Variants in TMEM74 observed in about 807,000 individuals in gnomAD.
TMEM74 encodes transmembrane protein 74.
A neutral mutation model predicts 18.1 loss-of-function variants in TMEM74; 13 were observed. The ratio of observed to expected loss-of-function variants is 0.72; its 90% confidence interval spans 0.47 to 1.14. The LOEUF is 1.14. TMEM74 is among the 50% of genes most tolerant of loss of function. The pLI is 0.00. For synonymous variants in TMEM74, 159 were observed against 146.6 expected (o/e 1.08, Z -0.61); for missense variants, 372 against 375.9 (o/e 0.99, Z 0.09).
chr8:108,614,407 G>A (rs563553925), intron 2 of TMEM74, among the ~76,000 whole-genome samples: 2 of 152,118 alleles, frequency 1.3e-5, no homozygotes, highest in African/African-American at 4.8e-5. Context: ...TTTTCTCAAG[G>A]AAATGTTCTA....
chr8:108,727,644 T>G (rs958491459), intron 1 of TMEM74, among the ~76,000 whole-genome samples: 3 of 152,196 alleles, frequency 2.0e-5, no homozygotes, highest in Non-Finnish European at 2.9e-5. Context: ...CAGTTTGATA[T>G]GAGCCAGAAG....
intron 2 of TMEM74, among the ~76,000 whole-genome samples, chr8:108,612,082 C>G (rs1812339613): frequency 6.6e-6 from 1 of 152,088 alleles, no homozygotes; most frequent in Non-Finnish European, 1.5e-5. Flanking sequence ...AGGTAACCAC[C>G]CCCATGATTC....
At chr8:108,646,598 C>T (rs1487576685) in intron 2 of TMEM74, among the ~76,000 whole-genome samples, 5 of 152,006 alleles carry the variant, frequency 3.3e-5, no homozygotes, top group Admixed American at 3.3e-4. Context: ...TCTCAAAAAG[C>T]CTAGAATTTG....
At chr8:108,660,852 G>C (rs1329083137) in intron 1 of TMEM74, among the ~76,000 whole-genome samples, 1 of 151,976 alleles carries the variant, frequency 6.6e-6, no homozygotes. Context: ...TATATTTGTA[G>C]CTCCAGTTTG....
intron 1 of TMEM74, among the ~76,000 whole-genome samples, chr8:108,766,018 G>C (rs191470462): frequency 6.6e-6 from 1 of 152,154 alleles, no homozygotes; most frequent in Admixed American, 6.5e-5. Flanking sequence ...AGTAGCATTA[G>C]CATAATCTAA....
intron 1 of TMEM74, among the ~76,000 whole-genome samples, chr8:108,656,273 TG>T (rs1812820611): frequency 1.3e-5 from 2 of 152,180 alleles, no homozygotes; most frequent in African/African-American, 4.8e-5. Context: ...GTTGTAAACT[TG>T]CTTTTCTTCC....
chr8:108,705,344 T>A (rs1813386669), intron 1 of TMEM74, among the ~76,000 whole-genome samples: 1 of 152,208 alleles, frequency 6.6e-6, no homozygotes. Context: ...TGTTTTAGTG[T>A]GTTGTAGTGG....
intron 1 of TMEM74, among the ~76,000 whole-genome samples, chr8:108,700,977 A>C (rs1813329800): frequency 6.6e-6 from 1 of 152,214 alleles, no homozygotes; most frequent in South Asian, 2.1e-4. Flanking sequence ...TGAGGAATCT[A>C]GTAATCACTC....
At chr8:108,642,391 CAA>C (rs34602005) in intron 2 of TMEM74, among the ~76,000 whole-genome samples, 11 of 63,456 alleles carry the variant, frequency 1.7e-4, no homozygotes, top group Non-Finnish European at 2.2e-4. Flanking sequence ...GACTCCATCT[CAA>C]AAAAAAAAAA....
chr8:108,679,135 T>A lies in TMEM74; in HGVS notation n.120-23698A>T, dbSNP rs909580868. ...GTGTATATGTGCCACATTTTCTTAATCCAGTCTATTGTTGTTGGACATTTG... is the reference window on the plus strand; with the variant it reads ...GTGTATATGTGCCACATTTTCTTAAACCAGTCTATTGTTGTTGGACATTTG... On this transcript the variant is annotated intron_variant and non_coding_transcript_variant, in intron 1 of 3. Transcript: ENST00000518838. Among the ~76,000 whole-genome samples the A allele has an allele frequency of 3.3e-5, 5 of 152,266 alleles. No homozygotes were observed. The South Asian group carries it at 6.2e-4, about 19-fold the overall frequency.
chr8:108,647,493 G>C (rs890686260), intron 2 of TMEM74, among the ~76,000 whole-genome samples: 5 of 151,892 alleles, frequency 3.3e-5, no homozygotes, highest in Admixed American at 6.6e-5. Context: ...TTCTTGTTTA[G>C]CTGATCAATG....
intron 1 of TMEM74, among the ~76,000 whole-genome samples, chr8:108,711,944 T>C (rs1002952878): frequency 6.6e-6 from 1 of 152,058 alleles, no homozygotes; most frequent in Non-Finnish European, 1.5e-5. Context: ...TCTATAGATA[T>C]AGATATAGAG....
At chr8:108,771,745 C>CT (rs1247939179) in intron 1 of TMEM74, among the ~76,000 whole-genome samples, 4 of 151,990 alleles carry the variant, frequency 2.6e-5, no homozygotes, top group African/African-American at 7.2e-5. Flanking sequence ...TTGGTATTTC[C>CT]TTTTTTTAGC....
intron 1 of TMEM74, among the ~76,000 whole-genome samples, chr8:108,690,165 C>A (rs1347495144): frequency 2.0e-5 from 3 of 151,948 alleles, no homozygotes; most frequent in Non-Finnish European, 4.4e-5. Context: ...TTTTAAAAGT[C>A]AGAGCCAGGT....
intron 3 of TMEM74, among the ~76,000 whole-genome samples, chr8:108,608,588 TG>T (rs1169894961): frequency 6.6e-6 from 1 of 152,216 alleles, no homozygotes; most frequent in Non-Finnish European, 1.5e-5. Context: ...AAACTAATAC[TG>T]GTTTAACCAC....
intron 1 of TMEM74, among the ~76,000 whole-genome samples, chr8:108,686,481 C>T (rs1200581077): frequency 1.3e-5 from 2 of 152,072 alleles, no homozygotes; most frequent in Admixed American, 6.5e-5. Flanking sequence ...AGATTACAGG[C>T]GTGACCCACC....
intron 2 of TMEM74, among the ~76,000 whole-genome samples, chr8:108,609,992 C>A (rs1417184392): frequency 6.6e-6 from 1 of 152,126 alleles, no homozygotes; most frequent in Non-Finnish European, 1.5e-5. Context: ...ATAAACGGGC[C>A]AAAAATATTT....
chr8:108,610,586 A>G (rs1812324585), intron 2 of TMEM74, among the ~76,000 whole-genome samples: 1 of 152,180 alleles, frequency 6.6e-6, no homozygotes, highest in South Asian at 2.1e-4. Context: ...AGAATGTGAC[A>G]TTTGGGTAGA....
intron 1 of TMEM74, among the ~76,000 whole-genome samples, chr8:108,673,596 C>T (rs1383693266): frequency 2.0e-5 from 3 of 152,066 alleles, no homozygotes; most frequent in East Asian, 1.9e-4. Context: ...AACAGGAGCA[C>T]GTATTTTGGA....
Sources: gnomAD v4.1 joint callset for allele counts (sites outside exome capture counted in the v4.1 genomes callset) on GRCh38, gnomAD v4.1.1 for gene constraint, MANE v1.5 for transcripts, NCBI Gene and HGNC (gene_info 2026-07-23, HGNC 2026-07-21) for gene names.